Variants in AP3B1 observed in about 807,000 individuals in gnomAD.
AP3B1 encodes the protein AP-3 complex subunit beta-1.
In AP3B1, 61 loss-of-function variants were observed where a neutral mutation model predicts 132.5. That is an observed-to-expected ratio of 0.46 (90% CI 0.37 to 0.57). The LOEUF (loss-of-function observed/expected upper bound fraction) is 0.57, where lower values mean the gene tolerates loss of function less well. AP3B1 is among the 20% of genes least tolerant of loss of function. The pLI is 0.00. For missense variants in AP3B1, 1,120 were observed against 1,289.4 expected, an observed-to-expected ratio of 0.87 and a Z score of 2.01; for synonymous variants, 388 against 438.3, an observed-to-expected ratio of 0.89 and a Z score of 1.43.
chr5:78,043,699 T>C (rs1748196527), intron 22 of AP3B1: 2 of 430,696 alleles, frequency 4.6e-6, no homozygotes, highest in African/African-American at 2.1e-5. Context: ...CTCTTCATCA[T>C]TGTTGTGCTT....
intron 22 of AP3B1, among the ~76,000 whole-genome samples, chr5:78,074,920 C>T (rs1349309930): frequency 6.6e-6 from 1 of 151,730 alleles, no homozygotes; most frequent in Non-Finnish European, 1.5e-5. Context: ...GCAACAAAAG[C>T]AAAACCCTGT....
At chr5:78,261,185 T>C (rs915338525) in intron 2 of AP3B1, among the ~76,000 whole-genome samples, 4 of 152,236 alleles carry the variant, frequency 2.6e-5, no homozygotes, top group Non-Finnish European at 5.9e-5. Context: ...GGAACCACCA[T>C]ACTGTTTTCC....
intron 21 of AP3B1, among the ~76,000 whole-genome samples, chr5:78,093,040 G>T (rs1489413858): frequency 6.6e-6 from 1 of 152,158 alleles, no homozygotes; most frequent in Non-Finnish European, 1.5e-5. Flanking sequence ...CAGTTACAGA[G>T]ATATTGAAAA....
intron 3 of AP3B1, among the ~76,000 whole-genome samples, chr5:78,233,927 A>C (rs188581494): frequency 9.2e-5 from 14 of 152,112 alleles, no homozygotes; most frequent in Admixed American, 4.6e-4. Flanking sequence ...AGAGGAGACA[A>C]CTCTTCCCCT....
At chr5:78,086,031 C>T (rs1254524563) in intron 22 of AP3B1, among the ~76,000 whole-genome samples, 2 of 152,070 alleles carry the variant, frequency 1.3e-5, no homozygotes, top group African/African-American at 4.8e-5. Flanking sequence ...TACCATGCAT[C>T]CTGTCATCTT....
At chr5:78,109,470 C>A (rs1751480630) in intron 20 of AP3B1, among the ~76,000 whole-genome samples, 1 of 151,996 alleles carries the variant, frequency 6.6e-6, no homozygotes, top group African/African-American at 2.4e-5. Flanking sequence ...ATATTTTCAA[C>A]AAACAGAATA....
At chr5:78,191,504 T>C (rs1744833037) in intron 7 of AP3B1, among the ~76,000 whole-genome samples, 1 of 151,984 alleles carries the variant, frequency 6.6e-6, no homozygotes, top group African/African-American at 2.4e-5. Context: ...TCCTGCTAAC[T>C]CTCCTAGTCT....
chr5:78,173,412 A>C (rs1444009168), intron 11 of AP3B1, among the ~76,000 whole-genome samples: 8 of 152,102 alleles, frequency 5.3e-5, no homozygotes, highest in Non-Finnish European at 1.0e-4. Context: ...GTAGGTCTCT[A>C]AGGGCTTGCT....
intron 17 of AP3B1, among the ~76,000 whole-genome samples, chr5:78,125,887 A>C (rs1031416438): frequency 6.6e-6 from 1 of 152,298 alleles, no homozygotes; most frequent in Non-Finnish European, 1.5e-5. Context: ...ATGAAAATGG[A>C]AGAAGCCAGC....
intron 11 of AP3B1, among the ~76,000 whole-genome samples, chr5:78,167,824 C>T (rs1000642552): frequency 6.6e-6 from 1 of 151,648 alleles, no homozygotes; most frequent in African/African-American, 2.4e-5. Flanking sequence ...TATGAGGATG[C>T]ACAGACATAA....
chr5:78,112,732 TTAAAAG>T (rs1371401452), intron 19 of AP3B1, among the ~76,000 whole-genome samples: 2 of 152,234 alleles, frequency 1.3e-5, no homozygotes, highest in Non-Finnish European at 2.9e-5. Context: ...AGATAAGATT[TTAAAAG>T]TAAAAGTGTT....
chr5:78,237,751 T>G (rs1315919637), intron 3 of AP3B1, among the ~76,000 whole-genome samples: 1 of 152,126 alleles, frequency 6.6e-6, no homozygotes, highest in Non-Finnish European at 1.5e-5. Context: ...AGGCAGAGGT[T>G]GTAGTGAGCC....
Position 78,228,705 on chromosome 5 carries a change from A to T in AP3B1, c.280-466T>A, listed in dbSNP as rs540090010. ...CCCTACCTCTTTAAAAAATAATAAGAGAAAGAATTTGGGCCCAGGCCACTA... is the reference window on the plus strand; with the variant it reads ...CCCTACCTCTTTAAAAAATAATAAGTGAAAGAATTTGGGCCCAGGCCACTA... On this transcript the variant is annotated intron_variant, in intron 3 of 26. Coordinates refer to ENST00000255194, the MANE Select transcript of AP3B1 (RefSeq NM_003664.5). Among the ~76,000 whole-genome samples, 301 of 152,282 alleles carry T rather than the reference A, an allele frequency of 2.0e-3. 1 individual carries two copies. Among genetic ancestry groups the T allele is most frequent in the South Asian group, 8.1e-3 (39 of 4,828 alleles).
chr5:78,292,629 T>TAATAACC lies in AP3B1; in HGVS notation c.128+1822_128+1823insGGTTATT, dbSNP rs554567386. 6.5e-3 allele frequency among the ~76,000 whole-genome samples: 983 copies of TAATAACC among 152,268 alleles called. 5 individuals carry two copies. The highest frequency in any genetic ancestry group is 0.022 in the African/African-American group (924 of 41,540). ...AAGTACCTGGTAATAACCTGCAGGG[T>TAATAACC]TGTTTAGGAAAACTGAATGAGATAA... is the stretch of plus-strand genomic sequence containing the variant. On this transcript the variant is annotated intron_variant, in intron 1 of 26. Transcript: ENST00000255194.
chr5:78,193,483 T>C (rs1007700602), intron 7 of AP3B1, among the ~76,000 whole-genome samples: 2 of 151,792 alleles, frequency 1.3e-5, no homozygotes, highest in Non-Finnish European at 2.9e-5. Flanking sequence ...ATCTACTTTA[T>C]AGTAAGTTTC....
chr5:78,239,148 A>G (rs888260449), intron 3 of AP3B1, among the ~76,000 whole-genome samples: 8 of 151,994 alleles, frequency 5.3e-5, no homozygotes, highest in African/African-American at 1.9e-4. Context: ...AATAAGCAAA[A>G]AATACTAAAT....
At chr5:78,053,195 A>T (rs139405271) in intron 22 of AP3B1, among the ~76,000 whole-genome samples, 143 of 152,316 alleles carry the variant, frequency 9.4e-4, no homozygotes, top group African/African-American at 3.3e-3. Context: ...CCTTGGCATT[A>T]TCTTTGACAC....
chr5:78,119,236 G>T (rs1478560601), intron 17 of AP3B1, among the ~76,000 whole-genome samples: 1 of 152,048 alleles, frequency 6.6e-6, no homozygotes, highest in African/African-American at 2.4e-5. Flanking sequence ...CACAAAGATG[G>T]GGAAAAAACA....
intron 25 of AP3B1, among the ~76,000 whole-genome samples, chr5:78,018,257 T>G (rs1438823513): frequency 6.6e-6 from 1 of 152,026 alleles, no homozygotes; most frequent in Non-Finnish European, 1.5e-5. Flanking sequence ...TGGAGGCTTA[T>G]ATACATAACC....
Sources: gnomAD v4.1 joint callset for allele counts (sites outside exome capture counted in the v4.1 genomes callset) on GRCh38, gnomAD v4.1.1 for gene constraint, MANE v1.5 for transcripts, NCBI Gene and HGNC (gene_info 2026-07-23, HGNC 2026-07-21) for gene names.